The following BSDC1 variants were observed in gnomAD, a reference collection of about 807,000 sequenced individuals.
The protein encoded by BSDC1 is BSD domain containing 1, also known as BSD domain-containing protein 1.
Under a neutral mutation model 56.0 loss-of-function variants are expected in BSDC1, and 29 were observed. The ratio of observed to expected loss-of-function variants is 0.52; its 90% CI spans 0.39 to 0.71. The LOEUF is 0.71. Ranked by LOEUF, BSDC1 falls within the 30% of genes least tolerant of loss-of-function variation. The pLI is 0.00. For missense variants in BSDC1, 477 were observed against 548.5 expected (o/e 0.87, Z 1.30); for synonymous variants, 210 against 215.3 (o/e 0.98, Z 0.21).
chr1:32,371,439 T>C (rs1055318504), intron 9 of BSDC1, among the ~76,000 whole-genome samples: 2 of 151,366 alleles, frequency 1.3e-5, no homozygotes, highest in African/African-American at 2.4e-5. Flanking sequence ...GCCTCCTGAG[T>C]AGCTGGGACT....
Position 32,368,244 on chromosome 1 carries a change from T to A in BSDC1, c.1260+203A>T, listed in dbSNP as rs557324502. On this transcript the variant is annotated intron_variant, in intron 10 of 10. Coordinates refer to ENST00000455895, the MANE Select transcript of BSDC1 (RefSeq NM_018045.8). ...CTAAGGTCAAGAACTTGACCCTCTATCCACCCTGGAACTGAGGAAAAGTGC... is the reference window on the plus strand; with the variant it reads ...CTAAGGTCAAGAACTTGACCCTCTAACCACCCTGGAACTGAGGAAAAGTGC... 6.8e-5 allele frequency: 101 copies of A among 1,485,504 alleles called. 1 individual carries two copies. In the East Asian group the frequency reaches 2.3e-3, roughly 35 times the overall value. The allele number at this position is 1,485,504 out of a possible 1,614,324, so 92.0% of individuals were successfully genotyped here. A position where few individuals can be genotyped will look rare whatever the true frequency, so the allele number is the denominator to read the frequency against.
intron 5 of BSDC1, among the ~76,000 whole-genome samples, chr1:32,380,719 A>G (rs1441665694): frequency 6.6e-6 from 1 of 152,198 alleles, no homozygotes; most frequent in East Asian, 1.9e-4. Context: ...CAGGCCAGGA[A>G]GGGTGCCATT....
At position 32,376,336 on chromosome 1, in the gene BSDC1, G is replaced by C. The variant is rs1407537332; in HGVS notation, c.1082C>G (p.Ala361Gly). Residue 361 changes from alanine (A) to glycine (G), a missense_variant, in exon 9 of 11, where the codon GCG (alanine) becomes GGG (glycine). Transcript: ENST00000455895. ...CTCAAACACCCGTAAGTCTGTGGGC[G>C]CCTCCTCCCTCAGAGTCTCTACTCT... The part of the protein sequence containing the change: ...PARVETLREE[A>G]PTDLRVFELN... 1 of 1,605,864 alleles carries C rather than the reference G, an allele frequency of 6.2e-7. No individual in the cohort carries two copies. Among genetic ancestry groups the C allele is most frequent in the African/African-American group, 1.3e-5 (1 of 74,674 alleles).
chr1:32,368,299 G>A (rs762755499), intron 10 of BSDC1, 148 bp downstream of exon 10: 9 of 1,592,934 alleles, frequency 5.6e-6, no homozygotes, highest in Admixed American at 1.7e-5. Flanking sequence ...TTGTGGGTCT[G>A]AGCAGGAAGC....
At chr1:32,381,906 C>A (rs1642487803) in intron 4 of BSDC1, among the ~76,000 whole-genome samples, 2 of 152,202 alleles carry the variant, frequency 1.3e-5, no homozygotes, top group Non-Finnish European at 1.5e-5. Flanking sequence ...AAAACACATA[C>A]TTGAAAAATC....
At chr1:32,381,147 G>C in intron 5 of BSDC1, 67 bp downstream of exon 5, 1 of 1,536,262 alleles carries the variant, frequency 6.5e-7, no homozygotes, top group South Asian at 1.1e-5. Context: ...AGACAAACAG[G>C]GTCTACAACC....
intron 10 of BSDC1, chr1:32,367,092 G>A: frequency 1.0e-6 from 1 of 988,162 alleles, no homozygotes; most frequent in Non-Finnish European, 1.2e-6. Flanking sequence ...TTAGTCTTTG[G>A]GTGAATGGAG....
chr1:32,367,792 T>G (rs1036927035), intron 10 of BSDC1: 1 of 890,510 alleles, frequency 1.1e-6, no homozygotes, highest in Non-Finnish European at 1.3e-6. Context: ...CTGGTCACCA[T>G]GTCTCAGGCA....
In BSDC1 at chr1:32,383,966, A is replaced by T. The variant is rs1039369757; in HGVS notation, c.221T>A (p.Met74Lys). 2.5e-6 allele frequency: 4 copies of T among 1,613,166 alleles called. No homozygotes were observed. The highest frequency in any genetic ancestry group is 3.4e-6 in the Non-Finnish European group (4 of 1,180,030). The change falls in exon 4 of 11, where the codon ATG becomes AAG. Residue 74 changes from methionine to lysine, a missense_variant. By Grantham distance (95) the Met-to-Lys change is moderately conservative (BLOSUM62 -1). Coordinates refer to ENST00000455895, the MANE Select transcript of BSDC1 (RefSeq NM_018045.8). ...TEGSSGATEK[M>K]KKGLSDFLGV... ...TAGGAAGTCAGATAACCCTTTCTTC[A>T]TCTTCTCTGTTGCTCCTGAGGAGCC...
At chr1:32,370,694 C>T (rs1049699951) in intron 9 of BSDC1, among the ~76,000 whole-genome samples, 1 of 150,278 alleles carries the variant, frequency 6.7e-6, no homozygotes, top group Admixed American at 6.7e-5. Flanking sequence ...GTCCCAGCTA[C>T]TCGGGAGGCT....
At chr1:32,384,313 C>T (rs1570152924) in intron 3 of BSDC1, among the ~76,000 whole-genome samples, 1 of 152,148 alleles carries the variant, frequency 6.6e-6, no homozygotes, top group Admixed American at 6.5e-5. Context: ...GACACATCAA[C>T]AGGGAAGAGA....
intron 10 of BSDC1, chr1:32,367,266 C>T (rs1199939308): frequency 1.0e-6 from 1 of 985,294 alleles, no homozygotes; most frequent in African/African-American, 1.7e-5. Flanking sequence ...TCGGCTAAGC[C>T]CTGGTATAGC....
At chr1:32,391,671 A>G (rs1457565335) in intron 2 of BSDC1, among the ~76,000 whole-genome samples, 1 of 152,214 alleles carries the variant, frequency 6.6e-6, no homozygotes, top group Non-Finnish European at 1.5e-5. Flanking sequence ...AGGAGGAGGT[A>G]AGGAGCAGAG....
At position 32,367,423 on chromosome 1, in the gene BSDC1, C is replaced by T. The variant is rs1432551745; in HGVS notation, c.1261-769G>A. 7 of 985,294 alleles carry T rather than the reference C, an allele frequency of 7.1e-6. No individual in the cohort carries two copies. The African/African-American group carries it at 1.2e-4, about 17-fold the overall frequency. 61.0% of individuals were successfully genotyped at this position (985,294 alleles called of 1,614,324 possible). ...GTGAGGTAGTCACAAGTGCAAAATA[C>T]TCCTGAGTAGGTAAAATACTCCCCC... On this transcript the variant is annotated intron_variant, in intron 10 of 10. Transcript: ENST00000455895.
Position 32,376,391 on chromosome 1 carries a change from T to C in BSDC1, c.1027A>G (p.Thr343Ala). 1 of 1,613,624 alleles carries C rather than the reference T, an allele frequency of 6.2e-7. No homozygotes were observed. Among genetic ancestry groups the C allele is most frequent in the Non-Finnish European group, 8.5e-7 (1 of 1,179,654 alleles). ...HSKPLTPAGH[T>A]GGPEPRPPAR... The stretch of plus-strand genomic sequence containing the variant: ...GGAGGCCTGGGCTCTGGGCCGCCGG[T>C]GTGGCCAGCAGGCGTTAGGGGCTTG... Residue 343 changes from threonine to alanine, a missense_variant, in exon 9 of 11, where the codon ACC (threonine) becomes GCC (alanine). Thr to Ala is a moderately conservative substitution (Grantham distance 58). Transcript: ENST00000455895.
In BSDC1 at chr1:32,366,663, G is replaced by A; in HGVS notation, c.1261-9C>T. On this transcript the variant is annotated splice_polypyrimidine_tract_variant and intron_variant, in intron 10 of 10. Transcript: ENST00000455895. The stretch of plus-strand genomic sequence containing the variant: ...CACTCTACATCTTCCAGCTGCAAAT[G>A]GGAGGGGGTAATGGAAATCACAAAC... The A allele has an allele frequency of 6.8e-7, 1 of 1,463,890 alleles. No individual in the cohort carries two copies. The allele number at this position is 1,463,890 out of a possible 1,614,324, so 90.7% of individuals were successfully genotyped here. A position where few individuals can be genotyped will look rare whatever the true frequency, so the allele number is the denominator to read the frequency against.
At chr1:32,384,102 C>G (rs370731081) in intron 3 of BSDC1, 105 bp from the exon 4 acceptor site, 1 of 1,515,560 alleles carries the variant, frequency 6.6e-7, no homozygotes, top group African/African-American at 1.4e-5. Flanking sequence ...GTTGGGGGAC[C>G]AGGGAAGCGC....
At chr1:32,382,753 A>AG (rs1305111889) in intron 4 of BSDC1, among the ~76,000 whole-genome samples, 1 of 147,060 alleles carries the variant, frequency 6.8e-6, no homozygotes, top group Non-Finnish European at 1.5e-5. Context: ...CCCCGCTACT[A>AG]GGGATACTAG....
At chr1:32,393,730 G>GT (rs1404778767) in intron 2 of BSDC1, 5 of 305,836 alleles carry the variant, frequency 1.6e-5, no homozygotes, top group Non-Finnish European at 2.5e-5. Flanking sequence ...ATACGAGTAA[G>GT]TTTTTTTACT....
Sources: gnomAD v4.1 joint callset for allele counts (sites outside exome capture counted in the v4.1 genomes callset) on GRCh38, gnomAD v4.1.1 for gene constraint, MANE v1.5 for transcripts, NCBI Gene and HGNC (gene_info 2026-07-23, HGNC 2026-07-21) for gene names.